SEMA6D: variants seen among roughly 807,000 people sequenced by gnomAD.
The protein encoded by SEMA6D is semaphorin-6D.
In SEMA6D, 35 loss-of-function variants were observed where a neutral mutation model predicts 106.6. The observed-to-expected ratio is 0.33, with a 90% CI of 0.25 to 0.44. SEMA6D has a LOEUF of 0.44. SEMA6D is among the 20% of genes least tolerant of loss of function. The probability of loss-of-function intolerance (pLI) is 1.00; values close to 1 mark genes in which losing one functional copy is unlikely to be tolerated. For synonymous variants in SEMA6D, 499 were observed against 487.7 expected, an observed-to-expected ratio of 1.02 and a Z score of -0.31; for missense variants, 1,185 against 1,345.9, an observed-to-expected ratio of 0.88 and a Z score of 1.87.
At chr15:47,272,965 C>A (rs2034624703) in intron 1 of SEMA6D, 1 of 152,148 alleles carries the variant, frequency 6.6e-6, no homozygotes, top group African/African-American at 2.4e-5. Flanking sequence ...ACCTGTAATA[C>A]CTGTAAGTTT....
chr15:47,207,399 G>A (rs1012582948), intron 1 of SEMA6D, among the ~76,000 whole-genome samples: 5 of 152,162 alleles, frequency 3.3e-5, no homozygotes, highest in Non-Finnish European at 7.3e-5. Context: ...CATGAGGGCA[G>A]TAGGCAATTG....
chr15:47,377,583 A>C (rs895320859), intron 1 of SEMA6D, among the ~76,000 whole-genome samples: 1 of 152,212 alleles, frequency 6.6e-6, no homozygotes, highest in Non-Finnish European at 1.5e-5. Flanking sequence ...AAAAATCATT[A>C]CTCAGTAAGT....
intron 2 of SEMA6D, among the ~76,000 whole-genome samples, chr15:47,458,197 C>A (rs7169840): frequency 0.48 from 72,736 of 151,684 alleles, 18,455 homozygotes; most frequent in African/African-American, 0.65. Context: ...TTTAAAATAC[C>A]ATTGGTTATT....
At chr15:47,412,695 T>C (rs200268540) in intron 2 of SEMA6D, among the ~76,000 whole-genome samples, 4 of 152,180 alleles carry the variant, frequency 2.6e-5, no homozygotes, top group South Asian at 4.1e-4. Context: ...TTAGATTTTT[T>C]AAGTGTCTGC....
At position 47,665,446 on chromosome 15, in the gene SEMA6D, A is replaced by G. The variant is rs141239004; in HGVS notation, c.-55+64550A>G. Among the ~76,000 whole-genome samples, 32 of 152,312 alleles carry G rather than the reference A, an allele frequency of 2.1e-4. No homozygotes were observed. In the East Asian group the frequency reaches 5.8e-3, roughly 28 times the overall value. ...GGAAGCCAGAACAGCAACTAATCAA[A>G]TAATAAGGTCATGGTTAGAGAAAGG... is the stretch of plus-strand genomic sequence containing the variant. On this transcript the variant is annotated intron_variant, in intron 4 of 19. Transcript: ENST00000558014.
intron 1 of SEMA6D, among the ~76,000 whole-genome samples, chr15:47,365,379 G>A (rs914980944): frequency 2.0e-5 from 3 of 152,072 alleles, no homozygotes; most frequent in East Asian, 1.9e-4. Flanking sequence ...AGGGACTCCC[G>A]CAGGTGGATC....
chr15:47,438,764 A>AT (rs1240793686), intron 2 of SEMA6D, among the ~76,000 whole-genome samples: 2 of 150,892 alleles, frequency 1.3e-5, no homozygotes, highest in Non-Finnish European at 3.0e-5. Context: ...TGTTCAGGTA[A>AT]TTTTCTCCTT....
chr15:47,641,954 G>T (rs1394884957), intron 4 of SEMA6D, among the ~76,000 whole-genome samples: 1 of 152,146 alleles, frequency 6.6e-6, no homozygotes, highest in East Asian at 1.9e-4. Flanking sequence ...TGCTTCACTT[G>T]GTTGCCTTGT....
chr15:47,197,341 A>G (rs1894428064), intron 1 of SEMA6D, among the ~76,000 whole-genome samples: 1 of 152,222 alleles, frequency 6.6e-6, no homozygotes, highest in Admixed American at 6.5e-5. Flanking sequence ...ACAGGCAGTG[A>G]GTTTAAGGTC....
intron 2 of SEMA6D, among the ~76,000 whole-genome samples, chr15:47,467,941 A>G (rs1466581540): frequency 6.6e-6 from 1 of 152,092 alleles, no homozygotes; most frequent in Non-Finnish European, 1.5e-5. Flanking sequence ...GTAGCATAAA[A>G]ATTATATTAT....
intron 3 of SEMA6D, among the ~76,000 whole-genome samples, chr15:47,597,155 G>T (rs1237481467): frequency 6.6e-6 from 1 of 151,990 alleles, no homozygotes; most frequent in Admixed American, 6.6e-5. Context: ...AATCATTAGG[G>T]AAATGATGAG....
At chr15:47,366,448 T>G (rs2039033849) in intron 1 of SEMA6D, among the ~76,000 whole-genome samples, 1 of 152,188 alleles carries the variant, frequency 6.6e-6, no homozygotes, top group Admixed American at 6.5e-5. Flanking sequence ...GATGAGGATA[T>G]AGTCCCTGCC....
chr15:47,613,985 T>C (rs1416570047), intron 4 of SEMA6D, among the ~76,000 whole-genome samples: 1 of 152,152 alleles, frequency 6.6e-6, no homozygotes, highest in African/African-American at 2.4e-5. Flanking sequence ...TCAAGGAATA[T>C]TTAAATTTAG....
chr15:47,433,359 A>G (rs2041600067), intron 2 of SEMA6D, among the ~76,000 whole-genome samples: 1 of 151,802 alleles, frequency 6.6e-6, no homozygotes, highest in Admixed American at 6.6e-5. Context: ...TATTAGACAT[A>G]TATCCAAGTA....
At chr15:47,593,374 C>T (rs2076475076) in intron 3 of SEMA6D, among the ~76,000 whole-genome samples, 2 of 133,350 alleles carry the variant, frequency 1.5e-5, no homozygotes, top group South Asian at 2.5e-4. Flanking sequence ...CCACTGCACT[C>T]CGGCCTGGGC....
At chr15:47,708,269 C>T (rs189174373) in intron 4 of SEMA6D, among the ~76,000 whole-genome samples, 88 of 152,346 alleles carry the variant, frequency 5.8e-4, no homozygotes, top group African/African-American at 2.1e-3. Context: ...CATCCTGTCT[C>T]TTCCGTCACA....
intron 1 of SEMA6D, among the ~76,000 whole-genome samples, chr15:47,323,174 G>A (rs1483084636): frequency 1.3e-5 from 2 of 152,052 alleles, no homozygotes; most frequent in African/African-American, 4.8e-5. Flanking sequence ...GGTGCCCAGC[G>A]GCTTCTTCTC....
intron 2 of SEMA6D, among the ~76,000 whole-genome samples, chr15:47,446,571 C>G (rs1006864934): frequency 4.6e-5 from 7 of 152,090 alleles, no homozygotes; most frequent in African/African-American, 1.7e-4. Context: ...CAGTGGCAGG[C>G]CTCAATCTGG....
intron 4 of SEMA6D, among the ~76,000 whole-genome samples, chr15:47,649,006 A>G (rs1431046805): frequency 2.0e-5 from 3 of 152,240 alleles, no homozygotes; most frequent in African/African-American, 7.2e-5. Context: ...ATGTGAATAC[A>G]TATGTATGTC....
Sources: gnomAD v4.1 joint callset for allele counts (sites outside exome capture counted in the v4.1 genomes callset) on GRCh38, gnomAD v4.1.1 for gene constraint, MANE v1.5 for transcripts, NCBI Gene and HGNC (gene_info 2026-07-23, HGNC 2026-07-21) for gene names.